OR8K3: variants seen among roughly 807,000 people sequenced by gnomAD.
OR8K3 encodes olfactory receptor 8K3.
For missense variants in OR8K3, 448 were observed against 367.4 expected (o/e 1.22, Z -1.79); for synonymous variants, 167 against 138.8 (o/e 1.20, Z -1.43).
chr11:56,316,879 C>T (rs1180200038), intron 2 of OR8K3, among the ~76,000 whole-genome samples: 1 of 151,886 alleles, frequency 6.6e-6, no homozygotes, highest in African/African-American at 2.4e-5. Context: ...GTTAGCATTT[C>T]TCAATTATAT....
chr11:56,318,482 T>C lies in OR8K3; in HGVS notation c.176T>C (p.Met59Thr), dbSNP rs1854475294. 3.1e-6 allele frequency: 5 copies of C among 1,614,112 alleles called. No individual in the cohort carries two copies. Among genetic ancestry groups the C allele is most frequent in the South Asian group, 1.1e-5 (1 of 91,080 alleles). ...TTGGACTCCAGGTTGCAAACCCCTA[T>C]GTACTTTTTTCTCAGACATCTGGCT... is the stretch of plus-strand genomic sequence containing the variant. ...TKLDSRLQTP[M>T]YFFLRHLAFM... Residue 59 changes from methionine (M) to threonine (T), a missense_variant, in exon 3 of 3, where the codon ATG becomes ACG. Coordinates refer to ENST00000641662, the MANE Select transcript of OR8K3 (RefSeq NM_001005202.2).
At chr11:56,315,656 A>C (rs2134864605) in intron 1 of OR8K3, among the ~76,000 whole-genome samples, 1 of 152,228 alleles carries the variant, frequency 6.6e-6, no homozygotes, top group Middle Eastern at 3.4e-3. Context: ...ATGATTATTC[A>C]AATAAATGTG....
Position 56,319,048 on chromosome 11 carries a change from A to C in OR8K3, c.742A>C (p.Ile248Leu), listed in dbSNP as rs756216528. 6.2e-7 allele frequency: 1 copy of C among 1,614,034 alleles called. No homozygotes were observed. Among genetic ancestry groups the C allele is most frequent in the Non-Finnish European group, 8.5e-7 (1 of 1,180,032 alleles). ...CTGTGGAGCCCACCTGACAGTGGTC[A>C]TAGTGTTCTATGGGACTTTGCTTTT... ...STCGAHLTVV[I>L]VFYGTLLFMY... is the part of the protein sequence containing the mutation. Residue 248 changes from isoleucine (I) to leucine (L), a missense_variant, in exon 3 of 3, where the codon ATA (isoleucine) becomes CTA (leucine). By Grantham distance (5) the Ile-to-Leu change is conservative. Transcript: ENST00000641662.
In OR8K3 at chr11:56,320,217, AT is replaced by A. The variant is rs1854507372; in HGVS notation, c.*973del. On this transcript the variant is annotated 3_prime_UTR_variant, in exon 3 of 3. Coordinates refer to ENST00000641662, the MANE Select transcript of OR8K3 (RefSeq NM_001005202.2). ...CAATATGCACTATATCGAATGCACT[AT>A]ATTTTCATTTACTTCACTGTTTGAT... 6.6e-6 allele frequency: 1 copy of A among 152,190 alleles called. No individual in the cohort carries two copies. The highest frequency in any genetic ancestry group is 2.4e-5 in the African/African-American group (1 of 41,442). 9.4% of individuals were successfully genotyped at this position (152,190 alleles called of 1,614,324 possible). A position where few individuals can be genotyped will look rare whatever the true frequency, so the allele number is the denominator to read the frequency against.
Position 56,318,832 on chromosome 11 carries a change from C to A in OR8K3, c.526C>A (p.His176Asn). ...CTTCTGTGGCTACAACGTCATTAGT[C>A]ATTTCTACTGTGACAGTCTCCCTTT... Reference protein sequence around the residue: ...LSFCGYNVISHFYCDSLPLLP... With the variant: ...LSFCGYNVISNFYCDSLPLLP... The change falls in exon 3 of 3, where the codon CAT (histidine) becomes AAT (asparagine). Residue 176 changes from histidine to asparagine, a missense_variant. Physicochemically the swap from His to Asn is moderately conservative, Grantham distance 68. Transcript: ENST00000641662. 1 of 1,614,090 alleles carries A rather than the reference C, an allele frequency of 6.2e-7. No individual in the cohort carries two copies. The highest frequency in any genetic ancestry group is 2.2e-5 in the East Asian group (1 of 44,880).
At chr11:56,316,668 T>C (rs1854447037) in intron 2 of OR8K3, among the ~76,000 whole-genome samples, 1 of 152,030 alleles carries the variant, frequency 6.6e-6, no homozygotes, top group African/African-American at 2.4e-5. Context: ...TGTATTCATT[T>C]TGTCTCTATG....
In OR8K3 at chr11:56,319,449, T is replaced by C; in HGVS notation, c.*204T>C. The C allele has an allele frequency of 1.8e-6, 1 of 552,636 alleles. No homozygotes were observed. 34.2% of individuals were successfully genotyped at this position (552,636 alleles called of 1,614,324 possible). A position where few individuals can be genotyped will look rare whatever the true frequency, so the allele number is the denominator to read the frequency against. ...TTCCTTGATGGATAGATGAATTGTA[T>C]TCACAATAAGTCCATTTTATATAAC... is the stretch of plus-strand genomic sequence containing the variant. On this transcript the variant is annotated 3_prime_UTR_variant, in exon 3 of 3. Coordinates refer to ENST00000641662, the MANE Select transcript of OR8K3 (RefSeq NM_001005202.2).
At chr11:56,316,685 T>C (rs991075899) in intron 2 of OR8K3, among the ~76,000 whole-genome samples, 2 of 152,012 alleles carry the variant, frequency 1.3e-5, no homozygotes, top group Admixed American at 6.6e-5. Context: ...TATGTTATTG[T>C]GTAACAAGGT....
intron 1 of OR8K3, among the ~76,000 whole-genome samples, 156 bp from the exon 2 acceptor site, chr11:56,315,844 T>C (rs1366523745): frequency 2.0e-5 from 3 of 152,016 alleles, no homozygotes; most frequent in Non-Finnish European, 4.4e-5. Flanking sequence ...TACCCAGTTT[T>C]AGGGAACAAT....
At chr11:56,316,367 T>C (rs1206570654) in intron 2 of OR8K3, among the ~76,000 whole-genome samples, 1 of 151,984 alleles carries the variant, frequency 6.6e-6, no homozygotes, top group African/African-American at 2.4e-5. Flanking sequence ...TTGCTGTCAC[T>C]ATAATTTTCA....
At chr11:56,317,353 T>C (rs1234061729) in intron 2 of OR8K3, among the ~76,000 whole-genome samples, 1 of 152,096 alleles carries the variant, frequency 6.6e-6, no homozygotes, top group Non-Finnish European at 1.5e-5. Flanking sequence ...GAACAAACAG[T>C]TTTAGATAAC....
chr11:56,316,971 G>A (rs1049509698), intron 2 of OR8K3, among the ~76,000 whole-genome samples: 2 of 151,906 alleles, frequency 1.3e-5, no homozygotes, highest in Non-Finnish European at 2.9e-5. Flanking sequence ...TAAATTCGTT[G>A]TGAAAAATAG....
Position 56,318,640 on chromosome 11 carries a change from CT to C in OR8K3, c.339del (p.Phe113LeufsTer22), listed in dbSNP as rs1565108391. 8 of 1,613,758 alleles carry C rather than the reference CT, an allele frequency of 5.0e-6. No individual in the cohort carries two copies. The South Asian group carries it at 8.8e-5, about 18-fold the overall frequency. ...AFFLVFIGSE[L>X]FILSAMSYDL... The stretch of plus-strand genomic sequence containing the variant: ...CTTTCTTGTGTTCATTGGTAGTGAA[CT>C]TTTTATTCTCTCAGCCATGTCCTAC... On this transcript the variant is annotated frameshift_variant, in exon 3 of 3. Coordinates refer to ENST00000641662, the MANE Select transcript of OR8K3 (RefSeq NM_001005202.2). LOFTEE classifies it low-confidence loss of function (END_TRUNC).
rs747976691 is a variant in OR8K3, at chr11:56,318,402, C to T, written c.96C>T (p.Leu32=). The change falls in exon 3 of 3, where the codon CTC becomes CTT. Residue 32 remains leucine (L), a synonymous_variant. Transcript: ENST00000641662. ...ELQAPLFALF[L]MIYVISVMGN... is the part of the protein sequence containing the mutation. The stretch of plus-strand genomic sequence containing the variant: ...AGGCACCATTATTTGCATTGTTCCT[C>T]ATGATCTATGTGATCTCAGTGATGG... The T allele has an allele frequency of 2.5e-6, 4 of 1,613,668 alleles. No homozygotes were observed. Among genetic ancestry groups the T allele is most frequent in the Non-Finnish European group, 3.4e-6 (4 of 1,179,760 alleles).
In OR8K3 at chr11:56,319,586, C is replaced by A; in HGVS notation, c.*341C>A. ...ATTACAGAAGGGAGTTACGAGGATT[C>A]CAGTGTTTTTTATCTGCTACTGGAA... On this transcript the variant is annotated 3_prime_UTR_variant, in exon 3 of 3. Coordinates refer to ENST00000641662, the MANE Select transcript of OR8K3 (RefSeq NM_001005202.2). The A allele has an allele frequency of 4.9e-6, 1 of 202,844 alleles. No individual in the cohort carries two copies. The highest frequency in any genetic ancestry group is 1.0e-5 in the Non-Finnish European group (1 of 99,730). 12.6% of individuals were successfully genotyped at this position (202,844 alleles called of 1,614,324 possible). A position where few individuals can be genotyped will look rare whatever the true frequency, so the allele number is the denominator to read the frequency against.
At chr11:56,315,562 G>T (rs1189349511) in intron 1 of OR8K3, among the ~76,000 whole-genome samples, 1 of 151,898 alleles carries the variant, frequency 6.6e-6, no homozygotes, top group Non-Finnish European at 1.5e-5. Context: ...GCAACTATTT[G>T]GTCAGTCATG....
Position 56,318,859 on chromosome 11 carries a change from T to C in OR8K3, c.553T>C (p.Leu185=). Residue 185 remains leucine, a synonymous_variant, in exon 3 of 3, where the codon TTA becomes CTA. Coordinates refer to ENST00000641662, the MANE Select transcript of OR8K3 (RefSeq NM_001005202.2). ...TTTCTACTGTGACAGTCTCCCTTTG[T>C]TACCTTTGCTTTGTTCAAATACACA... The part of the protein sequence containing the change: ...SHFYCDSLPL[L]PLLCSNTHEI... 1.2e-6 allele frequency: 2 copies of C among 1,614,102 alleles called. No individual in the cohort carries two copies. Among genetic ancestry groups the C allele is most frequent in the Non-Finnish European group, 1.7e-6 (2 of 1,179,938 alleles).
rs1296339202 is a variant in OR8K3, at chr11:56,315,179, A to AAG, written c.-82+13_-82+14insGA. The AAG allele has an allele frequency of 3.3e-5, 5 of 152,158 alleles. No individual in the cohort carries two copies. The highest frequency in any genetic ancestry group is 7.3e-5 in the Non-Finnish European group (5 of 68,028). 9.4% of individuals were successfully genotyped at this position (152,158 alleles called of 1,614,324 possible). On this transcript the variant is annotated intron_variant, in intron 1 of 2. Coordinates refer to ENST00000641662, the MANE Select transcript of OR8K3 (RefSeq NM_001005202.2). ...AGGCTTCCTTACAGGTAAAAAAAAA[A>AAG]AAAGTAAGAATGTTTCTTGTGGTGT...
rs941326291 is a variant in OR8K3, at chr11:56,319,717, T to C, written c.*472T>C. ...CTTCATACTTTTTGCTTGTATATTC[T>C]GACATTGCATTTAATACTGGTTGTT... On this transcript the variant is annotated 3_prime_UTR_variant, in exon 3 of 3. Coordinates refer to ENST00000641662, the MANE Select transcript of OR8K3 (RefSeq NM_001005202.2). 1.9e-5 allele frequency: 3 copies of C among 157,482 alleles called. No individual in the cohort carries two copies. The highest frequency in any genetic ancestry group is 7.2e-5 in the African/African-American group (3 of 41,520). The allele number at this position is 157,482 out of a possible 1,614,324, so 9.8% of individuals were successfully genotyped here. A position where few individuals can be genotyped will look rare whatever the true frequency, so the allele number is the denominator to read the frequency against.
Sources: allele counts gnomAD v4.1 joint callset (sites outside exome capture counted in the v4.1 genomes callset), GRCh38; gene constraint gnomAD v4.1.1; transcripts MANE v1.5; gene names NCBI Gene and HGNC (gene_info 2026-07-23, HGNC 2026-07-21).